MSH5: variants seen among roughly 807,000 people sequenced by gnomAD.
MSH5 encodes the protein mutS protein homolog 5.
In MSH5, 78 loss-of-function variants were observed where a neutral mutation model predicts 107.7. The ratio of observed to expected loss-of-function variants is 0.72; its 90% CI spans 0.60 to 0.87. The LOEUF (loss-of-function observed/expected upper bound fraction) is 0.87. MSH5 is among the 40% of genes least tolerant of loss of function. MSH5 has a pLI of 0.00. For synonymous variants in MSH5, 326 were observed against 399.5 expected (o/e 0.82, Z 2.19); for missense variants, 889 against 1,046.6 (o/e 0.85, Z 2.08).
At position 31,759,940 on chromosome 6, in the gene MSH5, C is replaced by G; in HGVS notation, c.1650C>G (p.Ser550=). The change falls in exon 18 of 25, where the codon TCC becomes TCG. Residue 550 remains serine, a synonymous_variant. Coordinates refer to ENST00000375750, the MANE Select transcript of MSH5 (RefSeq NM_172166.4). The surrounding 1 kb of genome is among the most constrained non-coding windows in gnomAD (Gnocchi z 4.7). ...ATGGCTACTCAAGGCCGCGTTACTC[C>G]CCACAAGTCCTTGGGGTACGAATCC... ...RDYGYSRPRY[S]PQVLGVRIQN... is the part of the protein sequence containing the mutation. 1 of 1,614,186 alleles carries G rather than the reference C, an allele frequency of 6.2e-7. No homozygotes were observed. Among genetic ancestry groups the G allele is most frequent in the African/African-American group, 1.3e-5 (1 of 75,044 alleles).
intron 2 of MSH5, 145 bp from the exon 3 acceptor site, chr6:31,741,018 C>A: frequency 9.8e-7 from 1 of 1,019,048 alleles, no homozygotes; most frequent in Non-Finnish European, 1.4e-6. Context: ...CTCTTACCTC[C>A]TGAGTGGCTG....
chr6:31,755,519 C>T (rs1316448386), intron 12 of MSH5, among the ~76,000 whole-genome samples: 1 of 152,016 alleles, frequency 6.6e-6, no homozygotes, highest in Non-Finnish European at 1.5e-5. Flanking sequence ...CGTGCCACCA[C>T]GCCCAGCTAA....
In MSH5 at chr6:31,760,868, G is replaced by A. The variant is rs1810928532; in HGVS notation, c.1962+29G>A. 4 of 1,603,808 alleles carry A rather than the reference G, an allele frequency of 2.5e-6. No individual in the cohort carries two copies. In the East Asian group the frequency reaches 6.7e-5, roughly 27 times the overall value. On this transcript the variant is annotated intron_variant, in intron 20 of 24. Coordinates refer to ENST00000375750, the MANE Select transcript of MSH5 (RefSeq NM_172166.4). The surrounding 1 kb of genome is among the most constrained non-coding windows in gnomAD (Gnocchi z 5.6). ...AAAGGGAACAAAGGGAGGTGGGATTGAGGAAGGGGATAATGGGAAAGGAAC... is the reference window on the plus strand; with the variant it reads ...AAAGGGAACAAAGGGAGGTGGGATTAAGGAAGGGGATAATGGGAAAGGAAC...
chr6:31,747,293 C>T, intron 9 of MSH5, 94 bp from the exon 10 acceptor site: 2 of 1,380,796 alleles, frequency 1.4e-6, no homozygotes, highest in South Asian at 2.4e-5. Context: ...CAACCAGCAC[C>T]TCTGACCTGG....
rs951274480 is a variant in MSH5, at chr6:31,740,696, C to T, written c.147+83C>T. 1.4e-6 allele frequency: 2 copies of T among 1,395,654 alleles called. No individual in the cohort carries two copies. The highest frequency in any genetic ancestry group is 3.0e-5 in the South Asian group (2 of 65,956). The allele number at this position is 1,395,654 out of a possible 1,614,324, so 86.5% of individuals were successfully genotyped here. A position where few individuals can be genotyped will look rare whatever the true frequency, so the allele number is the denominator to read the frequency against. On this transcript the variant is annotated intron_variant, in intron 2 of 24. Transcript: ENST00000375750. This position sits in a 1 kb window ranked among gnomAD's most constrained non-coding sequence, Gnocchi z 4.4. ...GGGTTGGGAGCCGGGCGCGGTGGCT[C>T]ACACCTGTAATCTTAGCACTTTGGG...
At position 31,761,778 on chromosome 6, in the gene MSH5, G is replaced by A. The variant is rs931870524; in HGVS notation, c.2182-40G>A. 2 of 1,612,994 alleles carry A rather than the reference G, an allele frequency of 1.2e-6. No individual in the cohort carries two copies. Among genetic ancestry groups the A allele is most frequent in the African/African-American group, 1.3e-5 (1 of 74,930 alleles). ...TGGCCAAGGGTTTCAGGACAGGAAG[G>A]AGGTGATTGATGATACACTGTCTTT... On this transcript the variant is annotated intron_variant, in intron 22 of 24. Transcript: ENST00000375750. This position sits in a 1 kb window ranked among gnomAD's most constrained non-coding sequence, Gnocchi z 5.3.
At chr6:31,750,976 C>T (rs1005431096) in intron 10 of MSH5, among the ~76,000 whole-genome samples, 1 of 152,096 alleles carries the variant, frequency 6.6e-6, no homozygotes, top group African/African-American at 2.4e-5. Flanking sequence ...ACAGATGAGA[C>T]ATTTATTTCT....
rs766584530 is a variant in MSH5 at position 31,759,524 on chromosome 6, C to T, written c.1495+12C>T. ...CTGCGAGATCCGGGGTGAGGAAAAG[C>T]CAGAGGTTATATGCATTGTAAGATG... On this transcript the variant is annotated intron_variant, in intron 17 of 24. Coordinates refer to ENST00000375750, the MANE Select transcript of MSH5 (RefSeq NM_172166.4). This position sits in a 1 kb window ranked among gnomAD's most constrained non-coding sequence, Gnocchi z 4.7. 6 of 1,611,988 alleles carry T rather than the reference C, an allele frequency of 3.7e-6. 1 individual carries two copies. The South Asian group carries it at 4.4e-5, about 12-fold the overall frequency.
chr6:31,753,841 T>C, intron 12 of MSH5: 1 of 508,682 alleles, frequency 2.0e-6, no homozygotes, highest in Non-Finnish European at 3.6e-6. Flanking sequence ...CAATTCTGCC[T>C]CAGCCTCCCG....
At chr6:31,756,061 A>G (rs955839066) in intron 12 of MSH5, among the ~76,000 whole-genome samples, 2 of 151,034 alleles carry the variant, frequency 1.3e-5, no homozygotes, top group Admixed American at 1.3e-4. Flanking sequence ...TTTTTTTTCA[A>G]TACTGTTTTA....
chr6:31,760,681 C>T lies in MSH5; in HGVS notation c.1813-9C>T, dbSNP rs1425268398. On this transcript the variant is annotated splice_polypyrimidine_tract_variant and intron_variant, in intron 19 of 24. Transcript: ENST00000375750. The surrounding 1 kb of genome is among the most constrained non-coding windows in gnomAD (Gnocchi z 5.6). ...CCAGGCCCCAGGCCCTGTCTCCTTC[C>T]CTATTCAGGTAGGCTTGATCACATT... The T allele has an allele frequency of 1.2e-6, 2 of 1,612,884 alleles. No individual in the cohort carries two copies. The highest frequency in any genetic ancestry group is 1.7e-6 in the Non-Finnish European group (2 of 1,180,046).
intron 12 of MSH5, among the ~76,000 whole-genome samples, chr6:31,755,186 C>T (rs931269678): frequency 1.3e-5 from 2 of 152,084 alleles, no homozygotes; most frequent in African/African-American, 4.8e-5. Flanking sequence ...GGGTCTCACT[C>T]TGTCACCCAG....
intron 12 of MSH5, chr6:31,757,353 C>G (rs1300428533): frequency 6.6e-6 from 1 of 152,162 alleles, no homozygotes; most frequent in Non-Finnish European, 1.5e-5. Context: ...ACCCTCTTAA[C>G]CAGGATGGTC....
chr6:31,748,349 T>TC (rs1330382747), intron 10 of MSH5, among the ~76,000 whole-genome samples: 21 of 149,936 alleles, frequency 1.4e-4, no homozygotes, highest in African/African-American at 5.2e-4. Flanking sequence ...CACTCCTTTT[T>TC]TTTTTTTTTT....
intron 10 of MSH5, 160 bp from the exon 11 acceptor site, chr6:31,753,141 C>T: frequency 1.2e-6 from 1 of 850,948 alleles, no homozygotes; most frequent in Non-Finnish European, 1.8e-6. Context: ...TGTAAACACA[C>T]CTGAATGGGT....
In MSH5 at chr6:31,741,271, A is replaced by G. The variant is rs772135212; in HGVS notation, c.256A>G (p.Lys86Glu). ...AGATGCCCCAGACCACGAGAGCCTC[A>G]AGCTTCTCCAGAGAGGTGGGGATGG... ...MPDAPDHESL[K>E]LLQRVLDEIN... is the part of the protein sequence containing the mutation. The change falls in exon 3 of 25, where the codon AAG becomes GAG. Residue 86 changes from lysine (K) to glutamate (E), a missense_variant. Transcript: ENST00000375750. The G allele has an allele frequency of 1.2e-6, 2 of 1,611,524 alleles. No homozygotes were observed. Among genetic ancestry groups the G allele is most frequent in the South Asian group, 1.1e-5 (1 of 91,020 alleles).
At chr6:31,762,088 T>G in intron 23 of MSH5, 24 bp from the exon 24 acceptor site, 1 of 1,613,918 alleles carries the variant, frequency 6.2e-7, no homozygotes, top group Non-Finnish European at 8.5e-7. Flanking sequence ...CCCTTACTCC[T>G]CCCACCTTCT....
chr6:31,755,862 T>G (rs761176581), intron 12 of MSH5, among the ~76,000 whole-genome samples: 49 of 152,240 alleles, frequency 3.2e-4, no homozygotes, highest in Non-Finnish European at 6.6e-4. Context: ...TGTTCTTTCT[T>G]TCTTTTTCTC....
Position 31,742,921 on chromosome 6 carries a change from C to G in MSH5, c.316C>G (p.Gln106Glu). Residue 106 changes from glutamine to glutamate, a missense_variant, in exon 4 of 25, where the codon CAG becomes GAG. By Grantham distance (29) the Gln-to-Glu change is conservative. This residue lies in a region of MSH5 where 518 missense variants were observed against 565.0 expected (regional missense o/e 0.92). Transcript: ENST00000375750. ...NPQSVVTSAK[Q>E]DENMTRFLGK... ...CCAGTCTGTTGTTACGAGTGCCAAACAGGATGAGAATATGACTCGATTTCT... is the reference window on the plus strand; with the variant it reads ...CCAGTCTGTTGTTACGAGTGCCAAAGAGGATGAGAATATGACTCGATTTCT... 1 of 1,612,960 alleles carries G rather than the reference C, an allele frequency of 6.2e-7. No homozygotes were observed. The highest frequency in any genetic ancestry group is 1.1e-5 in the South Asian group (1 of 91,072).
Sources: allele counts gnomAD v4.1 joint callset (sites outside exome capture counted in the v4.1 genomes callset), GRCh38; gene constraint gnomAD v4.1.1; regional missense constraint gnomAD v4.1.1; non-coding constraint Gnocchi (gnomAD v3.1); transcripts MANE v1.5; gene names NCBI Gene and HGNC (gene_info 2026-07-23, HGNC 2026-07-21).